RELN: variants seen among roughly 807,000 people sequenced by gnomAD.
RELN encodes reelin.
Under a neutral mutation model 427.6 loss-of-function variants are expected in RELN, and 108 were observed. The observed-to-expected ratio is 0.25, with a 90% CI of 0.22 to 0.30. RELN has a LOEUF of 0.30. Ranked by LOEUF, RELN falls within the 10% of genes least tolerant of loss-of-function variation. The pLI is 1.00. For missense variants in RELN, 3,715 were observed against 4,302.8 expected, an observed-to-expected ratio of 0.86 and a Z score of 3.82; for synonymous variants, 1,524 against 1,513.4, an observed-to-expected ratio of 1.01 and a Z score of -0.16.
chr7:103,669,266 C>A (rs1044418396), intron 11 of RELN, among the ~76,000 whole-genome samples: 2 of 152,174 alleles, frequency 1.3e-5, no homozygotes, highest in Non-Finnish European at 2.9e-5. Context: ...GAGAAAAAGG[C>A]AGAGATAAAT....
chr7:103,967,041 G>T (rs1796674115), intron 1 of RELN, among the ~76,000 whole-genome samples: 1 of 152,136 alleles, frequency 6.6e-6, no homozygotes, highest in Admixed American at 6.5e-5. Context: ...CATTGCCAAT[G>T]TTCTATTAAT....
intron 43 of RELN, among the ~76,000 whole-genome samples, chr7:103,542,462 C>T (rs1299183256): frequency 6.6e-6 from 1 of 152,094 alleles, no homozygotes; most frequent in Admixed American, 6.5e-5. Flanking sequence ...TTGTTACTTC[C>T]TAATCTCAGT....
At chr7:103,478,238 C>T in intron 64 of RELN, 151 bp downstream of exon 64, 1 of 592,160 alleles carries the variant, frequency 1.7e-6, no homozygotes. Flanking sequence ...TTCAAATGTT[C>T]CACTATATAC....
chr7:103,867,468 C>G (rs1288048937), intron 2 of RELN, among the ~76,000 whole-genome samples: 1 of 151,790 alleles, frequency 6.6e-6, no homozygotes, highest in African/African-American at 2.4e-5. Flanking sequence ...ATATATATTA[C>G]AAACTATTTT....
intron 2 of RELN, among the ~76,000 whole-genome samples, chr7:103,905,808 T>A (rs55917011): frequency 1.3e-5 from 2 of 151,962 alleles, no homozygotes; most frequent in Admixed American, 6.5e-5. Context: ...AGGTGACTGG[T>A]GGAGGTCCGA....
chr7:103,472,310 A>G lies in RELN; in HGVS notation c.*502T>C, dbSNP rs1827884179. ...GTAGCCCCAAATTCAGCAGCAAAATATTACAACATAACAAGTAAATACAGT... is the reference window on the plus strand; with the variant it reads ...GTAGCCCCAAATTCAGCAGCAAAATGTTACAACATAACAAGTAAATACAGT... On this transcript the variant is annotated 3_prime_UTR_variant, in exon 65 of 65. Transcript: ENST00000428762. 1.2e-5 allele frequency: 2 copies of G among 165,760 alleles called. No individual in the cohort carries two copies. Among genetic ancestry groups the G allele is most frequent in the South Asian group, 1.6e-4 (1 of 6,430 alleles). 10.3% of individuals were successfully genotyped at this position (165,760 alleles called of 1,614,324 possible).
chr7:103,667,781 T>G (rs1426192266), intron 11 of RELN, among the ~76,000 whole-genome samples: 1 of 152,224 alleles, frequency 6.6e-6, no homozygotes, highest in Non-Finnish European at 1.5e-5. Flanking sequence ...TTGCACAAAG[T>G]TTATCATGTA....
intron 41 of RELN, among the ~76,000 whole-genome samples, chr7:103,546,833 CAG>C (rs1487761912): frequency 2.0e-5 from 3 of 152,164 alleles, no homozygotes; most frequent in Non-Finnish European, 2.9e-5. Flanking sequence ...TCATCAGAAA[CAG>C]AGAGCCCAAA....
At chr7:103,613,735 G>A (rs1427784409) in intron 20 of RELN, among the ~76,000 whole-genome samples, 4 of 152,146 alleles carry the variant, frequency 2.6e-5, no homozygotes, top group Admixed American at 2.6e-4. Flanking sequence ...TGGGCATCAG[G>A]GGAGAAAGCC....
chr7:103,838,141 G>A (rs1341145605), intron 2 of RELN, among the ~76,000 whole-genome samples: 4 of 148,448 alleles, frequency 2.7e-5, no homozygotes, highest in African/African-American at 7.5e-5. Context: ...CCTGGGAGGC[G>A]GAGCTTGCAG....
chr7:103,621,980 C>T (rs1832230401), intron 20 of RELN, among the ~76,000 whole-genome samples: 1 of 152,278 alleles, frequency 6.6e-6, no homozygotes, highest in East Asian at 1.9e-4. Context: ...CGTGACACTG[C>T]ACTCCAGCCT....
In RELN at chr7:103,471,882, G is replaced by A. The variant is rs1289077979; in HGVS notation, c.*930C>T. ...TTCAGTTACACAAATAGCATTCAGA[G>A]CTACAGGGCCATTATAATGTTGCTG... On this transcript the variant is annotated 3_prime_UTR_variant, in exon 65 of 65. Coordinates refer to ENST00000428762, the MANE Select transcript of RELN (RefSeq NM_005045.4). 2 of 152,600 alleles carry A rather than the reference G, an allele frequency of 1.3e-5. No individual in the cohort carries two copies. The highest frequency in any genetic ancestry group is 3.8e-4 in the East Asian group (2 of 5,204). 9.5% of individuals were successfully genotyped at this position (152,600 alleles called of 1,614,324 possible). A position where few individuals can be genotyped will look rare whatever the true frequency, so the allele number is the denominator to read the frequency against.
chr7:103,699,294 T>C (rs1236436846), intron 9 of RELN, among the ~76,000 whole-genome samples: 3 of 152,306 alleles, frequency 2.0e-5, no homozygotes, highest in Admixed American at 2.0e-4. Context: ...ATTGTCACCA[T>C]AGGTTATAGA....
chr7:103,698,611 C>G (rs1419044725), intron 9 of RELN, among the ~76,000 whole-genome samples: 1 of 152,136 alleles, frequency 6.6e-6, no homozygotes, highest in East Asian at 1.9e-4. Flanking sequence ...ACTCCTGGCT[C>G]AAGTGATCCT....
chr7:103,612,509 A>G (rs1831983923), intron 20 of RELN, among the ~76,000 whole-genome samples: 1 of 152,104 alleles, frequency 6.6e-6, no homozygotes. Flanking sequence ...TCCCGACCTC[A>G]GGTGATCTGC....
intron 46 of RELN, 144 bp from the exon 47 acceptor site, chr7:103,523,675 A>C: frequency 1.2e-6 from 1 of 835,228 alleles, no homozygotes; most frequent in Non-Finnish European, 1.9e-6. Context: ...CATTATTACA[A>C]TATTCTTCTT....
At chr7:103,772,398 T>C (rs775030494) in intron 4 of RELN, among the ~76,000 whole-genome samples, 54 of 152,216 alleles carry the variant, frequency 3.5e-4, no homozygotes, top group Non-Finnish European at 6.5e-4. Context: ...CTTCAAAGTG[T>C]AGATAATAAT....
chr7:103,533,895 A>G (rs1398657007), intron 46 of RELN, among the ~76,000 whole-genome samples: 1 of 146,480 alleles, frequency 6.8e-6, no homozygotes, highest in East Asian at 1.9e-4. Context: ...TGTTGCCTTA[A>G]TGGAGTTTTT....
intron 51 of RELN, among the ~76,000 whole-genome samples, chr7:103,503,892 G>GT (rs1232529103): frequency 3.6e-5 from 3 of 83,688 alleles, no homozygotes; most frequent in African/African-American, 5.6e-5. Context: ...AAATGTTCTT[G>GT]TAAAAAAAAA....
Sources: gnomAD v4.1 joint callset for allele counts (sites outside exome capture counted in the v4.1 genomes callset) on GRCh38, gnomAD v4.1.1 for gene constraint, MANE v1.5 for transcripts, NCBI Gene and HGNC (gene_info 2026-07-23, HGNC 2026-07-21) for gene names.